INO80: variants seen among roughly 807,000 people sequenced by gnomAD.
INO80 encodes chromatin-remodeling ATPase INO80.
INO80 carries 20 observed loss-of-function variants against 203.4 expected under a neutral mutation model. The ratio of observed to expected loss-of-function variants is 0.10; its 90% CI spans 0.07 to 0.14. The LOEUF (loss-of-function observed/expected upper bound fraction) is 0.14. Ranked by LOEUF, INO80 falls within the 10% of genes least tolerant of loss-of-function variation. The probability of loss-of-function intolerance (pLI) is 1.00; values close to 1 mark genes in which losing one functional copy is unlikely to be tolerated. For missense variants in INO80, 1,419 were observed against 1,914.4 expected, an observed-to-expected ratio of 0.74 and a Z score of 4.83; for synonymous variants, 726 against 685.2, an observed-to-expected ratio of 1.06 and a Z score of -0.93.
chr15:41,055,449 T>C, intron 17 of INO80, 85 bp from the exon 18 acceptor site: 1 of 710,928 alleles, frequency 1.4e-6, no homozygotes, highest in Non-Finnish European at 2.3e-6. Flanking sequence ...AAATTGCAGG[T>C]GTATTAGTGT....
In INO80 at chr15:41,045,773, C is replaced by T. The variant is rs147025979; in HGVS notation, c.2736-698G>A. On this transcript the variant is annotated intron_variant, in intron 23 of 35. Transcript: ENST00000648947. ...AAAATTAGCCAGGCGTGGTTGTGCA[C>T]GCCTGTAATCCCAGCTACTTGGGAG... Among the ~76,000 whole-genome samples the T allele has an allele frequency of 1.4e-4, 21 of 151,458 alleles. No individual in the cohort carries two copies. In the East Asian group the frequency reaches 1.9e-3, roughly 14 times the overall value.
At chr15:40,994,103 A>G (rs796333708) in intron 29 of INO80, among the ~76,000 whole-genome samples, 14 of 152,056 alleles carry the variant, frequency 9.2e-5, no homozygotes, top group African/African-American at 3.1e-4. Flanking sequence ...ATTCTGTTCT[A>G]CCTGCTCTGG....
At chr15:41,016,031 T>C in intron 27 of INO80, 57 bp downstream of exon 27, 1 of 1,441,570 alleles carries the variant, frequency 6.9e-7, no homozygotes, top group Non-Finnish European at 9.7e-7. Context: ...CATGGACATC[T>C]GATTCCTACA....
In INO80 at chr15:41,052,774, T is replaced by C. The variant is rs375796360; in HGVS notation, c.2274+1155A>G. 7.5e-5 allele frequency among the ~76,000 whole-genome samples: 11 copies of C among 147,400 alleles called. No individual in the cohort carries two copies. The East Asian group carries it at 1.8e-3, about 24-fold the overall frequency. ...GCACAGTGGCTCACACCTGTAATCCTAGCACTTTCAGAGGCCCAGGCGGGT... is the reference window on the plus strand; with the variant it reads ...GCACAGTGGCTCACACCTGTAATCCCAGCACTTTCAGAGGCCCAGGCGGGT... On this transcript the variant is annotated intron_variant, in intron 19 of 35. Coordinates refer to ENST00000648947, the MANE Select transcript of INO80 (RefSeq NM_017553.3).
intron 24 of INO80, among the ~76,000 whole-genome samples, chr15:41,036,108 A>C (rs2044568619): frequency 7.6e-6 from 1 of 132,132 alleles, no homozygotes; most frequent in Non-Finnish European, 1.6e-5. Flanking sequence ...GTGAGCCGAG[A>C]TCGCACCACT....
rs1159770838 is a variant in INO80, at chr15:41,057,817, A to AAAAG, written c.1985+818_1985+821dup. ...CATCTCAAAAAAAAAAAAAAAAAAA[A>AAAAG]AAAGAAAGAAAGAAAAGAATAGAAA... On this transcript the variant is annotated intron_variant, in intron 16 of 35. Transcript: ENST00000648947. Among the ~76,000 whole-genome samples the AAAAG allele has an allele frequency of 6.9e-3, 953 of 138,482 alleles. 25 individuals carry two copies. The highest frequency in any genetic ancestry group is 0.027 in the African/African-American group (831 of 31,222). The allele number at this position is 138,482 out of a possible 152,430, so 90.8% of individuals were successfully genotyped here.
intron 14 of INO80, among the ~76,000 whole-genome samples, chr15:41,061,550 G>C (rs1418929794): frequency 2.0e-5 from 3 of 146,430 alleles, no homozygotes; most frequent in African/African-American, 7.6e-5. Context: ...TTGAACCCAG[G>C]AAGCAGAAGT....
intron 24 of INO80, among the ~76,000 whole-genome samples, chr15:41,042,847 A>G (rs546791390): frequency 5.3e-5 from 8 of 152,348 alleles, no homozygotes; most frequent in South Asian, 4.1e-4. Context: ...TTCAATATAC[A>G]TACATATGTT....
intron 25 of INO80, among the ~76,000 whole-genome samples, chr15:41,025,696 G>A (rs1414499114): frequency 6.6e-6 from 1 of 151,934 alleles, no homozygotes; most frequent in Admixed American, 6.6e-5. Context: ...GCCTGGGTGA[G>A]AGAGCAAGGC....
intron 25 of INO80, 58 bp from the exon 26 acceptor site, chr15:41,021,183 T>G: frequency 8.4e-7 from 1 of 1,195,166 alleles, no homozygotes; most frequent in South Asian, 1.3e-5. Flanking sequence ...ACACTATGCC[T>G]TTTGGGAACC....
chr15:41,021,779 A>G (rs888561676), intron 25 of INO80, among the ~76,000 whole-genome samples: 5 of 152,236 alleles, frequency 3.3e-5, no homozygotes, highest in Non-Finnish European at 7.3e-5. Flanking sequence ...GCCAAAGGCT[A>G]TACACAAATT....
At chr15:41,063,291 C>T (rs942930890) in intron 14 of INO80, among the ~76,000 whole-genome samples, 2 of 151,948 alleles carry the variant, frequency 1.3e-5, no homozygotes, top group South Asian at 2.1e-4. Flanking sequence ...AAGCTGAGAT[C>T]ACATCACTGC....
chr15:41,085,661 A>G, intron 6 of INO80, 78 bp from the exon 7 acceptor site: 1 of 1,122,678 alleles, frequency 8.9e-7, no homozygotes, highest in African/African-American at 1.5e-5. Context: ...TAAAACATGC[A>G]AGGTTCTTTC....
intron 24 of INO80, among the ~76,000 whole-genome samples, chr15:41,034,446 G>A (rs1388099267): frequency 6.6e-6 from 1 of 152,150 alleles, no homozygotes; most frequent in African/African-American, 2.4e-5. Flanking sequence ...GTAGCTAAGT[G>A]AACACTGATC....
At chr15:41,075,834 G>A (rs985898463) in intron 9 of INO80, among the ~76,000 whole-genome samples, 3 of 151,594 alleles carry the variant, frequency 2.0e-5, no homozygotes, top group Non-Finnish European at 4.4e-5. Flanking sequence ...TCATGTGATC[G>A]GCCCACATTC....
intron 9 of INO80, among the ~76,000 whole-genome samples, chr15:41,078,045 G>A (rs1006741464): frequency 2.0e-5 from 3 of 151,644 alleles, no homozygotes; most frequent in African/African-American, 4.8e-5. Context: ...GATTACAGGC[G>A]GCCGCCACCA....
intron 1 of INO80, among the ~76,000 whole-genome samples, chr15:41,101,885 T>C (rs569965869): frequency 1.3e-5 from 2 of 150,704 alleles, no homozygotes; most frequent in African/African-American, 4.9e-5. Context: ...TTCTCCATAC[T>C]AGTACAAAAG....
intron 14 of INO80, 140 bp from the exon 15 acceptor site, chr15:41,060,066 T>C (rs1175804590): frequency 5.0e-6 from 3 of 604,384 alleles, no homozygotes; most frequent in Non-Finnish European, 5.6e-6. Context: ...GTGGAATAAA[T>C]GGTTTAACCA....
chr15:41,016,311 C>A, intron 26 of INO80, 96 bp from the exon 27 acceptor site: 1 of 1,197,852 alleles, frequency 8.3e-7, no homozygotes, highest in Non-Finnish European at 1.2e-6. Context: ...TCACTAAAAC[C>A]AAGATGCTTG....
Sources: gnomAD v4.1 joint callset for allele counts (sites outside exome capture counted in the v4.1 genomes callset) on GRCh38, gnomAD v4.1.1 for gene constraint, MANE v1.5 for transcripts, NCBI Gene and HGNC (gene_info 2026-07-23, HGNC 2026-07-21) for gene names.